The following ZRANB1 variants were observed in gnomAD, a reference collection of about 807,000 sequenced individuals.
ZRANB1 encodes the protein ubiquitin thioesterase ZRANB1.
ZRANB1 carries 16 observed loss-of-function variants against 80.5 expected under a neutral mutation model. The ratio of observed to expected loss-of-function variants is 0.20; its 90% CI spans 0.13 to 0.30. The LOEUF (loss-of-function observed/expected upper bound fraction) is 0.30, where lower values mean the gene tolerates loss of function less well. Ranked by LOEUF, ZRANB1 falls within the 10% of genes least tolerant of loss-of-function variation. The pLI is 1.00. For missense variants in ZRANB1, 576 were observed against 862.6 expected (o/e 0.67, Z 4.16); for synonymous variants, 291 against 293.1 (o/e 0.99, Z 0.07).
the ZRANB1 span, among the ~76,000 whole-genome samples, chr10:124,917,851 T>C: frequency 6.6e-6 from 1 of 152,148 alleles, no homozygotes; most frequent in Non-Finnish European, 1.5e-5. Context: ...GTAACGAGTG[T>C]TCAGTGCAAG....
chr10:124,923,940 C>G, the ZRANB1 span, among the ~76,000 whole-genome samples: 1 of 145,580 alleles, frequency 6.9e-6, no homozygotes, highest in African/African-American at 2.6e-5. Flanking sequence ...CTATCTCTTA[C>G]CAAAAAAAAA....
At chr10:124,970,227 C>A (rs1475746280) in intron 2 of ZRANB1, among the ~76,000 whole-genome samples, 1 of 152,072 alleles carries the variant, frequency 6.6e-6, no homozygotes, top group East Asian at 1.9e-4. Context: ...CCAATAAAGT[C>A]TAGTTGAACT....
At chr10:124,926,625 C>CT in the ZRANB1 span, among the ~76,000 whole-genome samples, 45 of 148,526 alleles carry the variant, frequency 3.0e-4, no homozygotes, top group East Asian at 3.5e-3. Flanking sequence ...TTACAGTAGA[C>CT]TTTTTTTTTT....
chr10:124,935,544 C>A, the ZRANB1 span, among the ~76,000 whole-genome samples: 2 of 152,264 alleles, frequency 1.3e-5, no homozygotes, highest in African/African-American at 2.4e-5. Flanking sequence ...TTGCCTTCCA[C>A]AAGGTTCCAT....
rs368896412 is a variant in ZRANB1, at chr10:124,983,346, G to A, written c.1678+42G>A. ...GAACGTTTTACAAGTTTCTTTGAACGGAATGGCTCAGATGTCAGGAAGGAG... is the reference window on the plus strand; with the variant it reads ...GAACGTTTTACAAGTTTCTTTGAACAGAATGGCTCAGATGTCAGGAAGGAG... On this transcript the variant is annotated intron_variant, in intron 7 of 8. Coordinates refer to ENST00000359653, the MANE Select transcript of ZRANB1 (RefSeq NM_017580.3). The surrounding 1 kb of genome is among the most constrained non-coding windows in gnomAD (Gnocchi z 6.2). 2.4e-5 allele frequency: 39 copies of A among 1,608,510 alleles called. No individual in the cohort carries two copies. Among genetic ancestry groups the A allele is most frequent in the Admixed American group, 3.4e-5 (2 of 59,638 alleles).
chr10:124,942,237 GT>G lies in ZRANB1; in HGVS notation c.-253del. 7.7e-7 allele frequency: 1 copy of G among 1,300,024 alleles called. No homozygotes were observed. Among genetic ancestry groups the G allele is most frequent in the Non-Finnish European group, 9.8e-7 (1 of 1,022,328 alleles). 80.5% of individuals were successfully genotyped at this position (1,300,024 alleles called of 1,614,324 possible). A position where few individuals can be genotyped will look rare whatever the true frequency, so the allele number is the denominator to read the frequency against. On this transcript the variant is annotated 5_prime_UTR_variant, in exon 1 of 9. The change creates a premature stop within an existing upstream ORF in the 5' untranslated region. Transcript: ENST00000359653. ...TATCTCTTTTGCATTCCAAAGTTCA[GT>G]TTTATTAAATCCCAGGGTCTAAGAT...
rs74160989 is a variant in ZRANB1, at chr10:124,984,664, T to C, written c.1909-110T>C. 6,764 of 1,090,054 alleles carry C rather than the reference T, an allele frequency of 6.2e-3. 279 individuals carry two copies. The African/African-American group carries it at 0.093, about 15-fold the overall frequency. 67.5% of individuals were successfully genotyped at this position (1,090,054 alleles called of 1,614,324 possible). ...CAAAACCATGTGAAAAGTTGATTGC[T>C]TTGGCCTTTTCATGAGTTAGCATAC... On this transcript the variant is annotated intron_variant, in intron 8 of 8. Coordinates refer to ENST00000359653, the MANE Select transcript of ZRANB1 (RefSeq NM_017580.3).
chr10:124,983,459 GTGTT>G lies in ZRANB1; in HGVS notation c.1681_1684del (p.Val561IlefsTer76). 1 of 1,608,562 alleles carries G rather than the reference GTGTT, an allele frequency of 6.2e-7. No homozygotes were observed. Among genetic ancestry groups the G allele is most frequent in the Non-Finnish European group, 8.5e-7 (1 of 1,175,678 alleles). On this transcript the variant is annotated frameshift_variant and splice_region_variant, in exon 8 of 9. Transcript: ENST00000359653. LOFTEE classifies it high-confidence loss of function. This position sits in a 1 kb window ranked among gnomAD's most constrained non-coding sequence, Gnocchi z 6.2. The stretch of plus-strand genomic sequence containing the variant: ...GGGATTTTCTTCCCTCTCTTTCCAG[GTGTT>G]TATCTGCCTTTGTTGTGGGAACAGA...
At chr10:124,974,998 A>G (rs1224005994) in intron 5 of ZRANB1, among the ~76,000 whole-genome samples, 1 of 152,184 alleles carries the variant, frequency 6.6e-6, no homozygotes, top group African/African-American at 2.4e-5. Flanking sequence ...GAGTTTTGCC[A>G]TCTTTCCCAG....
upstream of ZRANB1, chr10:124,940,395 G>C (rs146395708): frequency 2.2e-3 from 1,564 of 718,346 alleles, 21 homozygotes; most frequent in African/African-American, 0.019. Context: ...CAGTCAGACA[G>C]AACCACTTAT....
intron 2 of ZRANB1, among the ~76,000 whole-genome samples, chr10:124,967,417 C>T (rs963588255): frequency 1.3e-5 from 2 of 152,002 alleles, no homozygotes; most frequent in Non-Finnish European, 2.9e-5. Context: ...CTAAGCATGG[C>T]TGAGATGGTG....
chr10:124,962,616 C>G (rs1475337480), intron 1 of ZRANB1, among the ~76,000 whole-genome samples: 1 of 152,184 alleles, frequency 6.6e-6, no homozygotes, highest in East Asian at 1.9e-4. Context: ...CCCAGTGAGT[C>G]ATTGACCTGT....
intron 1 of ZRANB1, among the ~76,000 whole-genome samples, chr10:124,946,686 T>G (rs1207791428): frequency 1.3e-5 from 2 of 152,194 alleles, no homozygotes; most frequent in Non-Finnish European, 2.9e-5. Context: ...ATTATAGGCC[T>G]GTTTCTATGG....
At chr10:124,949,300 C>T (rs1035253828) in intron 1 of ZRANB1, among the ~76,000 whole-genome samples, 2 of 151,900 alleles carry the variant, frequency 1.3e-5, no homozygotes, top group African/African-American at 4.8e-5. Context: ...ACTTCCTAAA[C>T]AATAGCTGCA....
the ZRANB1 span, among the ~76,000 whole-genome samples, chr10:124,929,802 T>C: frequency 2.0e-5 from 3 of 151,490 alleles, no homozygotes; most frequent in Non-Finnish European, 2.9e-5. Context: ...AAAAAGTAGC[T>C]GGGTTTGGTG....
upstream of ZRANB1, among the ~76,000 whole-genome samples, chr10:124,938,901 G>T (rs1951511182): frequency 6.6e-6 from 1 of 152,036 alleles, no homozygotes; most frequent in Non-Finnish European, 1.5e-5. Context: ...TTTTGGTCGG[G>T]CATAGTGGCT....
At chr10:124,947,559 T>C (rs1330286070) in intron 1 of ZRANB1, among the ~76,000 whole-genome samples, 3 of 152,216 alleles carry the variant, frequency 2.0e-5, no homozygotes, top group African/African-American at 4.8e-5. Context: ...CCTAGACTCA[T>C]ATATCCAGCT....
At chr10:124,928,974 T>C in the ZRANB1 span, among the ~76,000 whole-genome samples, 1 of 152,214 alleles carries the variant, frequency 6.6e-6, no homozygotes. Context: ...GAACAGAAAG[T>C]CACTTTATGT....
chr10:124,924,837 G>A, the ZRANB1 span, among the ~76,000 whole-genome samples: 7 of 151,666 alleles, frequency 4.6e-5, no homozygotes, highest in Non-Finnish European at 8.8e-5. Context: ...GGAATTGCTG[G>A]GTCATGTGCT....
Sources: gnomAD v4.1 joint callset for allele counts (sites outside exome capture counted in the v4.1 genomes callset) on GRCh38, gnomAD v4.1.1 for gene constraint, Gnocchi (gnomAD v3.1) non-coding constraint, MANE v1.5 for transcripts, NCBI Gene and HGNC (gene_info 2026-07-23, HGNC 2026-07-21) for gene names.